MAPK6: variants seen among roughly 807,000 people sequenced by gnomAD.
MAPK6 encodes ERK-3.
A neutral mutation model predicts 59.3 loss-of-function variants in MAPK6; 19 were observed. The ratio of observed to expected loss-of-function variants is 0.32; its 90% CI spans 0.22 to 0.47. The LOEUF is 0.47. MAPK6 is among the 20% of genes least tolerant of loss of function. The pLI is 1.00. For missense variants in MAPK6, 724 were observed against 847.9 expected (o/e 0.85, Z 1.81); for synonymous variants, 316 against 290.3 (o/e 1.09, Z -0.90).
chr15:52,048,354 C>A (rs1022315615), intron 2 of MAPK6, among the ~76,000 whole-genome samples: 1 of 152,090 alleles, frequency 6.6e-6, no homozygotes, highest in African/African-American at 2.4e-5. Flanking sequence ...TACAGTGGCT[C>A]ACACCTGTAA....
At chr15:51,980,828 G>A (rs563669458) in intron 1 of MAPK6, among the ~76,000 whole-genome samples, 1 of 151,374 alleles carries the variant, frequency 6.6e-6, no homozygotes, top group South Asian at 2.1e-4. Flanking sequence ...CTGACCTCAG[G>A]TGGTCCGCCC....
intron 2 of MAPK6, among the ~76,000 whole-genome samples, chr15:51,994,935 T>C (rs2057220315): frequency 6.6e-6 from 1 of 152,238 alleles, no homozygotes; most frequent in Non-Finnish European, 1.5e-5. Context: ...GGAAGACCTA[T>C]AATAACTAAA....
At chr15:51,978,172 G>A (rs1046178858) in intron 1 of MAPK6, among the ~76,000 whole-genome samples, 26 of 150,432 alleles carry the variant, frequency 1.7e-4, no homozygotes, top group African/African-American at 3.9e-4. Context: ...CTGCTCTGTC[G>A]CCCAAGCTGG....
intron 1 of MAPK6, among the ~76,000 whole-genome samples, chr15:51,974,973 C>G (rs1052927042): frequency 3.3e-5 from 5 of 151,416 alleles, no homozygotes; most frequent in Non-Finnish European, 7.4e-5. Flanking sequence ...CCACCTCAAC[C>G]TCCCAAATGC....
At chr15:51,989,378 A>C (rs2057201312) in intron 2 of MAPK6, among the ~76,000 whole-genome samples, 6 of 152,002 alleles carry the variant, frequency 3.9e-5, no homozygotes. Flanking sequence ...CAAAATCCAC[A>C]ATGTAACATC....
chr15:52,033,075 A>G (rs1347367250), intron 1 of MAPK6, among the ~76,000 whole-genome samples: 1 of 152,166 alleles, frequency 6.6e-6, no homozygotes, highest in East Asian at 1.9e-4. Flanking sequence ...CTGAGAAGTA[A>G]CTGGGATTAC....
chr15:52,028,037 C>T (rs1234359830), intron 1 of MAPK6, among the ~76,000 whole-genome samples: 1 of 139,586 alleles, frequency 7.2e-6, no homozygotes, highest in Non-Finnish European at 1.5e-5. Flanking sequence ...ACTGCAAGCT[C>T]TGCCTCCCAG....
chr15:52,024,756 T>TG (rs1566902930), intron 1 of MAPK6: 1 of 152,174 alleles, frequency 6.6e-6, no homozygotes. Context: ...CTTGCCCTGT[T>TG]GCCCAGTTTG....
chr15:52,063,906 C>T lies in MAPK6; in HGVS notation c.1072C>T (p.His358Tyr), dbSNP rs762771625. ...TAGTGTATTGATTTTTTTCAGGTAT[C>T]ATGATTGTCAGTTTTCAGAGCATGA... Reference protein sequence around the residue: ...HSHIYNWERYHDCQFSEHDWP... With the variant: ...HSHIYNWERYYDCQFSEHDWP... The change falls in exon 6 of 6, where the codon CAT becomes TAT. Residue 358 changes from histidine to tyrosine, a missense_variant. His to Tyr is a moderately conservative substitution (Grantham distance 83). Coordinates refer to ENST00000261845, the MANE Select transcript of MAPK6 (RefSeq NM_002748.4). 4 of 1,534,032 alleles carry T rather than the reference C, an allele frequency of 2.6e-6. No homozygotes were observed. In the East Asian group the frequency reaches 9.1e-5, roughly 35 times the overall value.
intron 1 of MAPK6, among the ~76,000 whole-genome samples, chr15:51,973,423 C>T (rs1410147932): frequency 2.0e-5 from 3 of 151,904 alleles, no homozygotes; most frequent in African/African-American, 7.2e-5. Context: ...CTCACTGCAG[C>T]CTCAAACTCC....
At chr15:52,042,969 C>G (rs8024265) in intron 1 of MAPK6, 1 of 151,848 alleles carries the variant, frequency 6.6e-6, no homozygotes, top group Non-Finnish European at 1.5e-5. Context: ...TCAAAAAATA[C>G]AAAAATTAGC....
At chr15:51,996,310 T>G (rs2057224063) in intron 2 of MAPK6, among the ~76,000 whole-genome samples, 1 of 152,240 alleles carries the variant, frequency 6.6e-6, no homozygotes, top group African/African-American at 2.4e-5. Flanking sequence ...TCTAGGAGTC[T>G]TCAATGCCCA....
chr15:52,029,749 T>C (rs1347354319), intron 1 of MAPK6, among the ~76,000 whole-genome samples: 1 of 152,234 alleles, frequency 6.6e-6, no homozygotes, highest in Non-Finnish European at 1.5e-5. Context: ...AAATATCACT[T>C]AAATCTGTTT....
intron 3 of MAPK6, among the ~76,000 whole-genome samples, chr15:52,005,217 G>A (rs1188208489): frequency 6.6e-6 from 1 of 152,156 alleles, no homozygotes; most frequent in East Asian, 1.9e-4. Flanking sequence ...TCTGTTGAAT[G>A]ACTTGAATGA....
Position 52,046,871 on chromosome 15 carries a change from A to G in MAPK6, c.411A>G (p.Leu137=), listed in dbSNP as rs1197310528. 5 of 1,613,996 alleles carry G rather than the reference A, an allele frequency of 3.1e-6. No homozygotes were observed. The highest frequency in any genetic ancestry group is 1.3e-5 in the African/African-American group (1 of 74,934). ...EHARLFMYQL[L]RGLKYIHSAN... ...CCAGGCTTTTCATGTATCAGCTGCT[A>G]CGGGGGCTCAAGTATATTCACTCTG... The change falls in exon 2 of 6, where the codon CTA becomes CTG. Residue 137 remains leucine, a synonymous_variant. Coordinates refer to ENST00000261845, the MANE Select transcript of MAPK6 (RefSeq NM_002748.4).
intron 1 of MAPK6, chr15:51,971,935 T>C (rs1313014331): frequency 4.9e-6 from 3 of 608,604 alleles, no homozygotes; most frequent in African/African-American, 1.8e-5. Flanking sequence ...CCCGGCCATT[T>C]CGTCAATATC....
chr15:52,061,097 A>C (rs924392432), intron 4 of MAPK6, among the ~76,000 whole-genome samples: 1 of 152,230 alleles, frequency 6.6e-6, no homozygotes, highest in Admixed American at 6.5e-5. Flanking sequence ...CTGACAAATT[A>C]ACTTTTTAAT....
At chr15:52,051,852 C>T (rs1209460592) in intron 3 of MAPK6, among the ~76,000 whole-genome samples, 1 of 144,346 alleles carries the variant, frequency 6.9e-6, no homozygotes. Flanking sequence ...CCAGCCTGGG[C>T]GACAGAGACT....
intron 1 of MAPK6, among the ~76,000 whole-genome samples, chr15:51,975,979 T>C (rs2057156041): frequency 6.6e-6 from 1 of 151,646 alleles, no homozygotes; most frequent in African/African-American, 2.4e-5. Flanking sequence ...ATAAAAGAGT[T>C]TGGGGGGCTG....
Sources: allele counts gnomAD v4.1 joint callset (sites outside exome capture counted in the v4.1 genomes callset), GRCh38; gene constraint gnomAD v4.1.1; transcripts MANE v1.5; gene names NCBI Gene and HGNC (gene_info 2026-07-23, HGNC 2026-07-21).